Variants in DLG2 observed in about 807,000 individuals in gnomAD.
The protein encoded by DLG2 is disks large homolog 2.
A neutral mutation model predicts 132.5 loss-of-function variants in DLG2; 45 were observed. The observed-to-expected ratio is 0.34, with a 90% confidence interval of 0.27 to 0.44. The LOEUF (loss-of-function observed/expected upper bound fraction) is 0.44. DLG2 is among the 20% of genes least tolerant of loss of function. The pLI is 1.00. For missense variants in DLG2, 1,045 were observed against 1,196.9 expected (o/e 0.87, Z 1.87); for synonymous variants, 424 against 419.6 (o/e 1.01, Z -0.13).
intron 6 of DLG2, among the ~76,000 whole-genome samples, chr11:85,051,058 G>C (rs1168276132): frequency 6.6e-6 from 1 of 152,120 alleles, no homozygotes; most frequent in African/African-American, 2.4e-5. Context: ...CATCAAGTCT[G>C]AAGCATTGTC....
At chr11:84,416,210 T>C (rs1411563918) in intron 7 of DLG2, among the ~76,000 whole-genome samples, 1 of 151,874 alleles carries the variant, frequency 6.6e-6, no homozygotes, top group Non-Finnish European at 1.5e-5. Flanking sequence ...AAAAATAAAG[T>C]CCACAATATT....
At chr11:83,629,744 C>T (rs1490928135) in intron 19 of DLG2, among the ~76,000 whole-genome samples, 1 of 152,138 alleles carries the variant, frequency 6.6e-6, no homozygotes, top group African/African-American at 2.4e-5. Context: ...CTCATAAACT[C>T]ACTCTTCCAA....
chr11:84,778,345 G>A (rs559419945), intron 6 of DLG2, among the ~76,000 whole-genome samples: 1 of 152,146 alleles, frequency 6.6e-6, no homozygotes, highest in East Asian at 1.9e-4. Flanking sequence ...GTATCATGCT[G>A]GTTTGATTAT....
In DLG2 at chr11:83,709,271, G is replaced by GTA. The variant is rs530447941; in HGVS notation, c.1826-75948_1826-75947dup. Among the ~76,000 whole-genome samples, 43 of 147,692 alleles carry GTA rather than the reference G, an allele frequency of 2.9e-4. No individual in the cohort carries two copies. In the East Asian group the frequency reaches 8.0e-3, roughly 28 times the overall value. On this transcript the variant is annotated intron_variant, in intron 18 of 27. Transcript: ENST00000376104. ...TGTGTATATGTGTGTATATATGTAT[G>GTA]TATATATACATATATGTACATATAT...
At chr11:85,592,111 G>A (rs2079395786) in intron 3 of DLG2, among the ~76,000 whole-genome samples, 1 of 152,080 alleles carries the variant, frequency 6.6e-6, no homozygotes, top group African/African-American at 2.4e-5. Context: ...ACTATATGAT[G>A]TTTTGTATTG....
intron 19 of DLG2, chr11:83,631,192 T>G (rs75432793): frequency 1.3e-3 from 156 of 121,960 alleles, no homozygotes; most frequent in African/African-American, 4.8e-3. Flanking sequence ...TTTTTTGGTC[T>G]GTTTTATCAC....
intron 4 of DLG2, among the ~76,000 whole-genome samples, chr11:85,268,723 C>T (rs2077360137): frequency 6.6e-6 from 1 of 152,128 alleles, no homozygotes; most frequent in Non-Finnish European, 1.5e-5. Flanking sequence ...ACTTCACTGT[C>T]GTCCTATTTT....
chr11:83,890,527 C>T (rs753270798), intron 15 of DLG2, among the ~76,000 whole-genome samples: 3 of 152,134 alleles, frequency 2.0e-5, no homozygotes, highest in Non-Finnish European at 2.9e-5. Flanking sequence ...GGGGAAGGAG[C>T]ATGGGCTTGG....
chr11:85,412,890 T>C (rs1412845289), intron 3 of DLG2, among the ~76,000 whole-genome samples: 2 of 151,688 alleles, frequency 1.3e-5, no homozygotes, highest in Non-Finnish European at 2.9e-5. Flanking sequence ...CAAATATCTT[T>C]TTCGTATAAT....
intron 8 of DLG2, among the ~76,000 whole-genome samples, chr11:84,176,613 A>G (rs766741071): frequency 1.3e-5 from 2 of 151,982 alleles, no homozygotes; most frequent in Non-Finnish European, 2.9e-5. Context: ...AGTGTTTCTC[A>G]GACTTGATCC....
At chr11:85,222,452 G>A (rs2074710403) in intron 4 of DLG2, among the ~76,000 whole-genome samples, 1 of 152,140 alleles carries the variant, frequency 6.6e-6, no homozygotes, top group Admixed American at 6.5e-5. Flanking sequence ...TAAAAAGAGG[G>A]AATTTTAAAA....
intron 5 of DLG2, among the ~76,000 whole-genome samples, chr11:85,119,696 A>G (rs2074080096): frequency 6.6e-6 from 1 of 152,072 alleles, no homozygotes; most frequent in Non-Finnish European, 1.5e-5. Flanking sequence ...TCTTCCAAAC[A>G]TATTTATAAA....
chr11:85,361,336 T>G (rs1193012811), intron 3 of DLG2, among the ~76,000 whole-genome samples: 2 of 151,974 alleles, frequency 1.3e-5, no homozygotes, highest in African/African-American at 4.8e-5. Flanking sequence ...TTTATATACT[T>G]AGGGGGTACA....
intron 7 of DLG2, among the ~76,000 whole-genome samples, chr11:84,344,651 CTAACT>C (rs905783757): frequency 8.5e-5 from 13 of 152,314 alleles, no homozygotes; most frequent in South Asian, 8.3e-4. Flanking sequence ...CTTCCTTCAT[CTAACT>C]TAATCACAGT....
chr11:83,900,614 G>A (rs2073144492), intron 15 of DLG2, among the ~76,000 whole-genome samples: 1 of 152,210 alleles, frequency 6.6e-6, no homozygotes, highest in Non-Finnish European at 1.5e-5. Flanking sequence ...GCCTGTGAGT[G>A]CACAGAGGTC....
intron 18 of DLG2, among the ~76,000 whole-genome samples, chr11:83,782,933 C>T (rs1376571558): frequency 1.3e-5 from 2 of 152,072 alleles, no homozygotes; most frequent in African/African-American, 2.4e-5. Flanking sequence ...GGCATTACAG[C>T]AACTTCACTA....
Position 83,472,950 on chromosome 11 carries a change from A to G in DLG2, c.2294-173T>C, listed in dbSNP as rs78048793. ...TCATAAAACTCTTTAGCACCATTTT[A>G]GTATCAGATTTTCACAGTCATAACT... is the stretch of plus-strand genomic sequence containing the variant. On this transcript the variant is annotated intron_variant, in intron 22 of 27. Transcript: ENST00000376104. Among the ~76,000 whole-genome samples, 1,023 of 152,254 alleles carry G rather than the reference A, an allele frequency of 6.7e-3. 9 individuals carry two copies. Among genetic ancestry groups the G allele is most frequent in the African/African-American group, 0.023 (973 of 41,554 alleles).
intron 6 of DLG2, among the ~76,000 whole-genome samples, chr11:84,589,671 T>C (rs1224684416): frequency 2.0e-5 from 3 of 152,174 alleles, no homozygotes; most frequent in African/African-American, 7.2e-5. Flanking sequence ...CATGCATCAA[T>C]ATGTTCTATA....
chr11:84,507,000 T>G (rs1168630616), intron 7 of DLG2, among the ~76,000 whole-genome samples: 2 of 152,246 alleles, frequency 1.3e-5, no homozygotes, highest in African/African-American at 4.8e-5. Context: ...ATAATCCTTT[T>G]ATTATAGCTT....
Sources: gnomAD v4.1 joint callset for allele counts (sites outside exome capture counted in the v4.1 genomes callset) on GRCh38, gnomAD v4.1.1 for gene constraint, MANE v1.5 for transcripts, NCBI Gene and HGNC (gene_info 2026-07-23, HGNC 2026-07-21) for gene names.